The following YLPM1 variants were observed in gnomAD, a reference collection of about 807,000 sequenced individuals.
YLPM1 encodes the protein YLP motif containing 1, also known as YLP motif-containing protein 1.
Under a neutral mutation model 230.0 loss-of-function variants are expected in YLPM1, and 99 were observed. That is an observed-to-expected ratio of 0.43 (90% CI 0.37 to 0.51). The LOEUF (loss-of-function observed/expected upper bound fraction) is 0.51. Among genes scored for constraint, YLPM1 ranks in the 20% least tolerant of loss-of-function variants. YLPM1 has a pLI of 0.00. For synonymous variants in YLPM1, 984 were observed against 942.5 expected, an observed-to-expected ratio of 1.04 and a Z score of -0.81; for missense variants, 2,592 against 2,707.7, an observed-to-expected ratio of 0.96 and a Z score of 0.95.
chr14:74,784,226 A>G (rs2091124096), intron 4 of YLPM1, among the ~76,000 whole-genome samples: 1 of 152,206 alleles, frequency 6.6e-6, no homozygotes, highest in South Asian at 2.1e-4. Context: ...TTTGCCTACT[A>G]AATCTTGGCT....
chr14:74,793,373 T>TA (rs1245758359), intron 4 of YLPM1, among the ~76,000 whole-genome samples: 1 of 152,212 alleles, frequency 6.6e-6, no homozygotes, highest in East Asian at 1.9e-4. Flanking sequence ...CTTCCTGAGA[T>TA]ACTTTAACTT....
Position 74,797,804 on chromosome 14 carries a change from A to C in YLPM1, c.2507A>C (p.Gln836Pro). 1.9e-6 allele frequency: 3 copies of C among 1,613,972 alleles called. No individual in the cohort carries two copies. The highest frequency in any genetic ancestry group is 2.5e-6 in the Non-Finnish European group (3 of 1,179,892). ...TSLSPRQSGP[Q>P]WKGPKPAFGQ... ...CTAAGTCCTCGACAGAGTGGACCAC[A>C]GTGGAAAGGCCCCAAACCAGCTTTT... The change falls in exon 5 of 21, where the codon CAG (glutamine) becomes CCG (proline). Residue 836 changes from glutamine to proline, a missense_variant. By Grantham distance (76) the Gln-to-Pro change is moderately conservative. Transcript: ENST00000325680.
chr14:74,774,051 A>G (rs1250670521), intron 1 of YLPM1, among the ~76,000 whole-genome samples: 1 of 152,068 alleles, frequency 6.6e-6, no homozygotes, highest in African/African-American at 2.4e-5. Flanking sequence ...TTGAATAGTA[A>G]AAGTACAGAT....
At chr14:74,823,314 C>T (rs1021525883) in intron 17 of YLPM1, among the ~76,000 whole-genome samples, 7 of 151,976 alleles carry the variant, frequency 4.6e-5, no homozygotes, top group Admixed American at 3.3e-4. Context: ...ATGAATCTGT[C>T]CTATTTACTA....
At chr14:74,810,458 A>G (rs1467498523) in intron 9 of YLPM1, 38 bp downstream of exon 9, 6 of 1,588,060 alleles carry the variant, frequency 3.8e-6, no homozygotes, top group African/African-American at 1.4e-5. Flanking sequence ...TGTACAAATT[A>G]CTGTATACTT....
At chr14:74,834,941 T>A (rs974126507) in intron 19 of YLPM1, 37 of 215,730 alleles carry the variant, frequency 1.7e-4, no homozygotes, top group Middle Eastern at 1.8e-3. Context: ...GAAGACTAGG[T>A]AGAGATTAGT....
At chr14:74,811,534 A>T in intron 9 of YLPM1, 86 bp from the exon 10 acceptor site, 1 of 925,340 alleles carries the variant, frequency 1.1e-6, no homozygotes, top group Non-Finnish European at 1.7e-6. Flanking sequence ...TATAGAGAAA[A>T]TTGGGCAGTT....
intron 2 of YLPM1, 74 bp from the exon 3 acceptor site, chr14:74,780,331 T>C: frequency 2.6e-6 from 4 of 1,518,450 alleles, no homozygotes; most frequent in Non-Finnish European, 1.8e-6. Flanking sequence ...TTCTGGACTT[T>C]ATAATACATT....
At chr14:74,768,215 C>T (rs1052351490) in intron 1 of YLPM1, among the ~76,000 whole-genome samples, 4 of 152,026 alleles carry the variant, frequency 2.6e-5, no homozygotes, top group South Asian at 2.1e-4. Context: ...TCTAGTTTTT[C>T]GGGTAAAGTG....
chr14:74,803,461 T>C lies in YLPM1; in HGVS notation c.4521+785T>C, dbSNP rs28739346. ...CATTTCATCAAATTAACACTTTTCA[T>C]TTCTCAGTGTTCCCTTCCATCCTGG... On this transcript the variant is annotated intron_variant, in intron 6 of 20. Coordinates refer to ENST00000325680, the MANE Select transcript of YLPM1 (RefSeq NM_019589.3). 3.5e-3 allele frequency among the ~76,000 whole-genome samples: 526 copies of C among 152,332 alleles called. 3 individuals carry two copies. The highest frequency in any genetic ancestry group is 0.012 in the African/African-American group (503 of 41,576).
At chr14:74,823,201 T>C (rs1266890249) in intron 17 of YLPM1, among the ~76,000 whole-genome samples, 2 of 152,120 alleles carry the variant, frequency 1.3e-5, no homozygotes, top group Non-Finnish European at 2.9e-5. Context: ...TTCAAAATGC[T>C]TTGTGACTTA....
At chr14:74,810,741 A>T (rs1459290188) in intron 9 of YLPM1, among the ~76,000 whole-genome samples, 1 of 151,942 alleles carries the variant, frequency 6.6e-6, no homozygotes, top group African/African-American at 2.4e-5. Flanking sequence ...TATTATTATT[A>T]TTATACCTAA....
rs760520326 is a variant in YLPM1 at position 74,763,967 on chromosome 14, C to T, written c.478C>T (p.Pro160Ser). The T allele has an allele frequency of 2.9e-6, 4 of 1,392,878 alleles. No individual in the cohort carries two copies. In the Admixed American group the frequency reaches 6.0e-5, roughly 21 times the overall value. 86.3% of individuals were successfully genotyped at this position (1,392,878 alleles called of 1,614,324 possible). Residue 160 changes from proline to serine, a missense_variant, in exon 1 of 21, where the codon CCA becomes TCA. Around this residue, in one of 4 missense-constraint regions of YLPM1, gnomAD observed 1,862 missense variants for 1,819.8 expected, o/e 1.02. Transcript: ENST00000325680. Reference sequence around the variant, plus strand: ...TGTGCCGCCTGGGTCCTATATGCCCCCATCTCAGTCTTACATGCCCCCACC... The same window carrying T: ...TGTGCCGCCTGGGTCCTATATGCCCTCATCTCAGTCTTACATGCCCCCACC... ...PPVPPGSYMP[P>S]SQSYMPPPQP...
chr14:74,772,932 G>A (rs1312791591), intron 1 of YLPM1, among the ~76,000 whole-genome samples: 2 of 152,140 alleles, frequency 1.3e-5, no homozygotes, highest in African/African-American at 4.8e-5. Context: ...ATGTGCTGAA[G>A]CCTACCATAG....
chr14:74,827,886 G>C (rs775410293), intron 18 of YLPM1: 3 of 985,354 alleles, frequency 3.0e-6, no homozygotes, highest in Non-Finnish European at 3.6e-6. Flanking sequence ...AGAGCCATGT[G>C]ATTCCAGAAA....
chr14:74,770,960 A>C (rs1305073231), intron 1 of YLPM1, among the ~76,000 whole-genome samples: 2 of 152,174 alleles, frequency 1.3e-5, no homozygotes, highest in Admixed American at 6.5e-5. Context: ...TGAGATGGAG[A>C]GAAGTGGGAA....
chr14:74,831,082 C>T (rs992457295), intron 19 of YLPM1, among the ~76,000 whole-genome samples: 1 of 152,104 alleles, frequency 6.6e-6, no homozygotes, highest in Admixed American at 6.6e-5. Flanking sequence ...TAATCAAACT[C>T]TTTAACTTTT....
At chr14:74,808,559 T>C (rs2091401210) in intron 6 of YLPM1, among the ~76,000 whole-genome samples, 1 of 152,038 alleles carries the variant, frequency 6.6e-6, no homozygotes, top group South Asian at 2.1e-4. Context: ...TCCCAGCATT[T>C]TGGGAGGCTG....
chr14:74,797,856 G>A lies in YLPM1; in HGVS notation c.2559G>A (p.Lys853=). ...AFGQQHQQQP[K]SQAEPLSGNK... ...GACAGCAGCATCAGCAGCAACCTAA[G>A]TCACAAGCAGAACCTCTTTCAGGAA... is the stretch of plus-strand genomic sequence containing the variant. The change falls in exon 5 of 21, where the codon AAG becomes AAA. Residue 853 remains lysine (K), a synonymous_variant. Coordinates refer to ENST00000325680, the MANE Select transcript of YLPM1 (RefSeq NM_019589.3). 1.2e-6 allele frequency: 2 copies of A among 1,613,952 alleles called. No individual in the cohort carries two copies. The highest frequency in any genetic ancestry group is 2.2e-5 in the South Asian group (2 of 91,090).
Sources: gnomAD v4.1 joint callset for allele counts (sites outside exome capture counted in the v4.1 genomes callset) on GRCh38, gnomAD v4.1.1 for gene constraint, gnomAD v4.1.1 regional missense constraint, MANE v1.5 for transcripts, NCBI Gene and HGNC (gene_info 2026-07-23, HGNC 2026-07-21) for gene names.